Variants in CSMD1 observed in about 807,000 individuals in gnomAD.
CSMD1 encodes the protein CUB and Sushi multiple domains 1.
A neutral mutation model predicts 417.5 loss-of-function variants in CSMD1; 213 were observed. The observed-to-expected ratio is 0.51, with a 90% CI of 0.46 to 0.57. CSMD1 has a LOEUF of 0.57. CSMD1 is among the 20% of genes least tolerant of loss of function. The pLI, the probability that CSMD1 is intolerant of heterozygous loss-of-function variation, is 0.00. For synonymous variants in CSMD1, 2,862 were observed against 1,736.8 expected (o/e 1.65, Z -16.11); for missense variants, 6,923 against 4,529.7 (o/e 1.53, Z -15.17).
At chr8:4,962,585 G>A (rs998034832) in intron 1 of CSMD1, among the ~76,000 whole-genome samples, 1 of 152,146 alleles carries the variant, frequency 6.6e-6, no homozygotes, top group African/African-American at 2.4e-5. Flanking sequence ...GGCATAATCA[G>A]ATGGGTATTT....
At chr8:2,964,816 G>T (rs139633116) in intron 59 of CSMD1, among the ~76,000 whole-genome samples, 1 of 151,930 alleles carries the variant, frequency 6.6e-6, no homozygotes, top group African/African-American at 2.4e-5. Context: ...CATGTCAGAA[G>T]AGAGAGAAAG....
intron 3 of CSMD1, among the ~76,000 whole-genome samples, chr8:4,036,979 G>A (rs1327964154): frequency 1.3e-5 from 2 of 151,688 alleles, no homozygotes; most frequent in South Asian, 4.2e-4. Context: ...GTGTGTGTGT[G>A]TGTGTGTGTG....
chr8:4,824,459 C>A (rs10156226), intron 1 of CSMD1, among the ~76,000 whole-genome samples: 7,107 of 152,108 alleles, frequency 0.047, 316 homozygotes, highest in African/African-American at 0.11. Flanking sequence ...TTAAAGAAGA[C>A]TATTTTTCTT....
chr8:3,651,152 G>T (rs753503293), intron 7 of CSMD1, among the ~76,000 whole-genome samples: 25 of 152,082 alleles, frequency 1.6e-4, no homozygotes, highest in Non-Finnish European at 2.8e-4. Context: ...TTTCTTGCCG[G>T]TCTTTGTACT....
intron 1 of CSMD1, among the ~76,000 whole-genome samples, chr8:4,687,897 G>A (rs768312858): frequency 1.3e-5 from 2 of 151,752 alleles, no homozygotes; most frequent in African/African-American, 4.8e-5. Context: ...GAGCCAATCT[G>A]GATAACGACA....
chr8:4,884,008 T>G (rs1208888852), intron 1 of CSMD1, among the ~76,000 whole-genome samples: 1 of 152,040 alleles, frequency 6.6e-6, no homozygotes, highest in Non-Finnish European at 1.5e-5. Flanking sequence ...ATTGTCTGTA[T>G]TTTTGATAAT....
intron 5 of CSMD1, among the ~76,000 whole-genome samples, chr8:3,913,258 G>A (rs528800303): frequency 1.3e-4 from 20 of 152,260 alleles, no homozygotes; most frequent in Admixed American, 4.6e-4. Context: ...GCACGAGAAT[G>A]ACAATGGAAG....
At chr8:3,911,504 G>A (rs1808465566) in intron 5 of CSMD1, among the ~76,000 whole-genome samples, 1 of 149,834 alleles carries the variant, frequency 6.7e-6, no homozygotes. Flanking sequence ...CTCCAGCCTG[G>A]GCAACAGAGC....
chr8:4,746,292 C>A (rs1163401853), intron 1 of CSMD1, among the ~76,000 whole-genome samples: 1 of 152,158 alleles, frequency 6.6e-6, no homozygotes, highest in African/African-American at 2.4e-5. Flanking sequence ...GAGCCTGGTG[C>A]CCTTTTTGAA....
chr8:3,602,249 G>A (rs1294469657), intron 8 of CSMD1, among the ~76,000 whole-genome samples: 1 of 152,162 alleles, frequency 6.6e-6, no homozygotes, highest in Non-Finnish European at 1.5e-5. Flanking sequence ...GGTAACTGGA[G>A]TGTGTTTAAT....
At chr8:3,712,020 C>G (rs1203342682) in intron 6 of CSMD1, among the ~76,000 whole-genome samples, 1 of 152,188 alleles carries the variant, frequency 6.6e-6, no homozygotes, top group Non-Finnish European at 1.5e-5. Flanking sequence ...AAATTTCGTA[C>G]TCTTGCAAAC....
chr8:3,477,296 A>T (rs936616319), intron 11 of CSMD1, among the ~76,000 whole-genome samples: 1 of 152,220 alleles, frequency 6.6e-6, no homozygotes, highest in African/African-American at 2.4e-5. Context: ...TACAGTTGAA[A>T]ATTTGACAAT....
intron 11 of CSMD1, among the ~76,000 whole-genome samples, chr8:3,476,907 C>CAT (rs1817461168): frequency 1.1e-5 from 1 of 87,094 alleles, no homozygotes; most frequent in Admixed American, 1.1e-4. Context: ...AGCGAAACTC[C>CAT]GCCTCAAAAA....
intron 5 of CSMD1, among the ~76,000 whole-genome samples, chr8:3,883,157 G>T (rs949827991): frequency 6.6e-6 from 1 of 152,000 alleles, no homozygotes; most frequent in African/African-American, 2.4e-5. Flanking sequence ...GCAAGCTCAG[G>T]CCTTGGAATT....
intron 1 of CSMD1, among the ~76,000 whole-genome samples, chr8:4,877,465 C>G (rs1803115564): frequency 6.6e-6 from 1 of 151,960 alleles, no homozygotes; most frequent in South Asian, 2.1e-4. Flanking sequence ...GTTATAAAGT[C>G]ATATTTGCTA....
intron 3 of CSMD1, among the ~76,000 whole-genome samples, chr8:4,078,904 T>A (rs1269541188): frequency 3.6e-4 from 10 of 27,918 alleles, no homozygotes; most frequent in African/African-American, 8.9e-4. Context: ...TAAATATATA[T>A]ATATATATAT....
At chr8:4,939,557 T>C (rs1008471991) in intron 1 of CSMD1, among the ~76,000 whole-genome samples, 25 of 151,838 alleles carry the variant, frequency 1.6e-4, no homozygotes, top group African/African-American at 5.6e-4. Flanking sequence ...AAGACAAATA[T>C]CACATGATCT....
intron 25 of CSMD1, among the ~76,000 whole-genome samples, chr8:3,298,538 C>T (rs1343157635): frequency 5.3e-5 from 8 of 152,220 alleles, no homozygotes; most frequent in South Asian, 2.1e-4. Context: ...ACTGCAACCT[C>T]TGCCTCCCAG....
At chr8:3,253,210 G>C (rs1800402115) in intron 26 of CSMD1, among the ~76,000 whole-genome samples, 1 of 151,996 alleles carries the variant, frequency 6.6e-6, no homozygotes, top group Non-Finnish European at 1.5e-5. Context: ...ATGTGTCCCA[G>C]AGATTCTGGT....
Sources: allele counts gnomAD v4.1 joint callset (sites outside exome capture counted in the v4.1 genomes callset), GRCh38; gene constraint gnomAD v4.1.1; transcripts MANE v1.5; gene names NCBI Gene and HGNC (gene_info 2026-07-23, HGNC 2026-07-21).